CLEC16A: variants seen among roughly 807,000 people sequenced by gnomAD.
CLEC16A encodes C-type lectin domain containing 16A.
Under a neutral mutation model 109.5 loss-of-function variants are expected in CLEC16A, and 51 were observed. The observed-to-expected ratio is 0.47, with a 90% CI of 0.37 to 0.59. The LOEUF (loss-of-function observed/expected upper bound fraction) is 0.59. Among genes scored for constraint, CLEC16A ranks in the 20% least tolerant of loss-of-function variants. The probability of loss-of-function intolerance (pLI) is 0.00; values close to 1 mark genes in which losing one functional copy is unlikely to be tolerated. For missense variants in CLEC16A, 1,339 were observed against 1,394.0 expected (o/e 0.96, Z 0.63); for synonymous variants, 673 against 564.2 (o/e 1.19, Z -2.73).
intron 19 of CLEC16A, among the ~76,000 whole-genome samples, chr16:11,083,445 G>A (rs993300671): frequency 3.3e-5 from 5 of 152,192 alleles, no homozygotes; most frequent in Non-Finnish European, 4.4e-5. Context: ...TTACTGGAGG[G>A]AGCCACTGTG....
chr16:11,061,159 C>A, intron 19 of CLEC16A, 137 bp downstream of exon 19: 1 of 1,036,148 alleles, frequency 9.7e-7, no homozygotes, highest in Non-Finnish European at 1.3e-6. Context: ...TGACCTTGAG[C>A]CAGCGGTGTG....
chr16:11,177,520 A>T (rs1000208672), intron 23 of CLEC16A, among the ~76,000 whole-genome samples: 3 of 150,338 alleles, frequency 2.0e-5, no homozygotes, highest in African/African-American at 7.4e-5. Context: ...GAATCACTTG[A>T]CCCCGGGAGG....
At chr16:11,149,461 A>C (rs2153077313) in intron 22 of CLEC16A, among the ~76,000 whole-genome samples, 1 of 152,042 alleles carries the variant, frequency 6.6e-6, no homozygotes, top group Non-Finnish European at 1.5e-5. Flanking sequence ...TCTTTCTCTC[A>C]TTTAAAAAAA....
intron 3 of CLEC16A, 129 bp from the exon 4 acceptor site, chr16:10,969,032 T>C: frequency 1.5e-6 from 1 of 663,462 alleles, no homozygotes; most frequent in East Asian, 2.7e-5. Flanking sequence ...CTCTTCCCAG[T>C]TAGTGTGTTT....
intron 3 of CLEC16A, among the ~76,000 whole-genome samples, chr16:10,963,555 G>A (rs2042356508): frequency 6.6e-6 from 1 of 152,198 alleles, no homozygotes; most frequent in Non-Finnish European, 1.5e-5. Flanking sequence ...CTGCCAGAGG[G>A]CAGGCAAGGG....
chr16:11,044,783 AG>A (rs1348689989), intron 16 of CLEC16A, among the ~76,000 whole-genome samples: 1 of 152,064 alleles, frequency 6.6e-6, no homozygotes, highest in African/African-American at 2.4e-5. Context: ...ATACAAAATT[AG>A]GCATGGTGGC....
chr16:11,140,041 G>C (rs1227561598), intron 22 of CLEC16A, among the ~76,000 whole-genome samples: 1 of 152,198 alleles, frequency 6.6e-6, no homozygotes, highest in Admixed American at 6.5e-5. Flanking sequence ...GTTCATCCCT[G>C]GAGAGGGTGC....
intron 13 of CLEC16A, among the ~76,000 whole-genome samples, chr16:11,036,612 C>T (rs1284047738): frequency 1.3e-5 from 2 of 149,662 alleles, no homozygotes; most frequent in African/African-American, 5.0e-5. Context: ...TGCAGTGGCG[C>T]AGTCTCAGCC....
At chr16:11,116,480 G>A (rs1001730595) in intron 19 of CLEC16A, among the ~76,000 whole-genome samples, 54 of 152,062 alleles carry the variant, frequency 3.6e-4, no homozygotes, top group Non-Finnish European at 2.1e-4. Context: ...GGCTGACTTC[G>A]GGGGTCATGT....
chr16:11,058,408 C>T (rs1433272953), intron 18 of CLEC16A, among the ~76,000 whole-genome samples: 1 of 152,112 alleles, frequency 6.6e-6, no homozygotes, highest in Non-Finnish European at 1.5e-5. Flanking sequence ...TAAATCGTCT[C>T]TAGATTACTT....
chr16:11,112,257 G>C (rs147197145), intron 19 of CLEC16A, among the ~76,000 whole-genome samples: 1 of 152,196 alleles, frequency 6.6e-6, no homozygotes, highest in Admixed American at 6.5e-5. Flanking sequence ...CTGCAGAGGG[G>C]CACAGGAGAC....
At chr16:11,103,019 C>A (rs1410405250) in intron 19 of CLEC16A, among the ~76,000 whole-genome samples, 1 of 152,208 alleles carries the variant, frequency 6.6e-6, no homozygotes, top group Non-Finnish European at 1.5e-5. Context: ...GCTGAACTGT[C>A]CCTGGAGGCT....
intron 19 of CLEC16A, among the ~76,000 whole-genome samples, chr16:11,096,017 G>A (rs952586654): frequency 6.6e-6 from 1 of 151,884 alleles, no homozygotes; most frequent in Admixed American, 6.6e-5. Flanking sequence ...CAAATACTGT[G>A]CAAATACCTT....
intron 11 of CLEC16A, among the ~76,000 whole-genome samples, 179 bp downstream of exon 11, chr16:11,003,484 G>A (rs528765783): frequency 2.6e-5 from 4 of 152,328 alleles, no homozygotes; most frequent in African/African-American, 7.2e-5. Context: ...GGAGGCTGCT[G>A]TAGGTGTATG....
At chr16:11,047,588 A>G (rs1354043916) in intron 17 of CLEC16A, 2 of 335,244 alleles carry the variant, frequency 6.0e-6, no homozygotes, top group African/African-American at 4.3e-5. Context: ...ATGAATAGTA[A>G]TTTTGGGGAC....
intron 11 of CLEC16A, 67 bp downstream of exon 11, chr16:11,003,372 CTG>C (rs1471556351): frequency 1.5e-6 from 2 of 1,291,640 alleles, no homozygotes; most frequent in Non-Finnish European, 2.2e-6. Flanking sequence ...AGGCTGCCAC[CTG>C]TGCCCTCTCC....
chr16:11,081,701 G>A (rs1010626248), intron 19 of CLEC16A, among the ~76,000 whole-genome samples: 1 of 152,174 alleles, frequency 6.6e-6, no homozygotes, highest in African/African-American at 2.4e-5. Context: ...ATTTGAGCCA[G>A]GAGGAATTTT....
intron 15 of CLEC16A, among the ~76,000 whole-genome samples, chr16:11,042,930 C>T (rs1291111385): frequency 6.7e-6 from 1 of 149,308 alleles, no homozygotes; most frequent in African/African-American, 2.5e-5. Context: ...AGTATATTTA[C>T]ATATACAATA....
rs190805780 is a variant in CLEC16A at position 11,058,306 on chromosome 16, C to T, written c.1996-2596C>T. On this transcript the variant is annotated intron_variant, in intron 18 of 23. Coordinates refer to ENST00000409790, the MANE Select transcript of CLEC16A (RefSeq NM_015226.3). ...CCATGGGGAATTGGTTCTAGGGCTC[C>T]CCCAAGGATACCAAAATCCACAGAT... is the stretch of plus-strand genomic sequence containing the variant. Among the ~76,000 whole-genome samples the T allele has an allele frequency of 2.8e-3, 434 of 152,300 alleles. 3 individuals carry two copies. Among genetic ancestry groups the T allele is most frequent in the South Asian group, 7.9e-3 (38 of 4,830 alleles).
Sources: gnomAD v4.1 joint callset for allele counts (sites outside exome capture counted in the v4.1 genomes callset) on GRCh38, gnomAD v4.1.1 for gene constraint, MANE v1.5 for transcripts, NCBI Gene and HGNC (gene_info 2026-07-23, HGNC 2026-07-21) for gene names.